The following OR4D10 variants were observed in gnomAD, a reference collection of about 807,000 sequenced individuals.
OR4D10 encodes the protein olfactory receptor 4D10.
For synonymous variants in OR4D10, 188 were observed against 153.2 expected, an observed-to-expected ratio of 1.23 and a Z score of -1.68; for missense variants, 395 against 378.0, an observed-to-expected ratio of 1.04 and a Z score of -0.37.
intron 2 of OR4D10, among the ~76,000 whole-genome samples, chr11:59,475,060 C>CAAA (rs771979917): frequency 1.8e-4 from 12 of 66,782 alleles, no homozygotes; most frequent in Non-Finnish European, 2.4e-4. Context: ...GACTCTGTCT[C>CAAA]AAAAAAAAAA....
At chr11:59,474,876 G>A (rs1016013455) in intron 2 of OR4D10, among the ~76,000 whole-genome samples, 3 of 140,850 alleles carry the variant, frequency 2.1e-5, no homozygotes, top group Non-Finnish European at 3.1e-5. Flanking sequence ...CTAACACAGT[G>A]AAACCCCGTC....
chr11:59,477,646 T>A lies in OR4D10; in HGVS notation c.217T>A (p.Phe73Ile). ...TAATTTATCTATTGCCGATATCTGCTTCTCTTCCATCACAGTGCCCAAGGT... is the reference window on the plus strand; with the variant it reads ...TAATTTATCTATTGCCGATATCTGCATCTCTTCCATCACAGTGCCCAAGGT... ...LHNLSIADIC[F>I]SSITVPKVLV... The change falls in exon 3 of 3, where the codon TTC (phenylalanine) becomes ATC (isoleucine). Residue 73 changes from phenylalanine (F) to isoleucine (I), a missense_variant. Physicochemically the swap from Phe to Ile is conservative, Grantham distance 21. Transcript: ENST00000530162. 2 of 1,614,180 alleles carry A rather than the reference T, an allele frequency of 1.2e-6. No individual in the cohort carries two copies. Among genetic ancestry groups the A allele is most frequent in the Non-Finnish European group, 1.7e-6 (2 of 1,180,014 alleles).
chr11:59,477,503 T>C lies in OR4D10; in HGVS notation c.74T>C (p.Leu25Ser). 4.3e-6 allele frequency: 7 copies of C among 1,613,496 alleles called. No homozygotes were observed. Among genetic ancestry groups the C allele is most frequent in the Non-Finnish European group, 5.9e-6 (7 of 1,179,738 alleles). The change falls in exon 3 of 3, where the codon TTA (leucine) becomes TCA (serine). Residue 25 changes from leucine to serine, a missense_variant. Physicochemically the swap from Leu to Ser is moderately radical, Grantham distance 145. Coordinates refer to ENST00000530162, the MANE Select transcript of OR4D10 (RefSeq NM_001004705.2). ...LGLTQNREVSLVLFLFLLLVY... is the reference protein window; with the variant it reads ...LGLTQNREVSSVLFLFLLLVY... ...CTGACCCAGAATCGGGAAGTGAGCTTAGTCTTATTTCTTTTCCTACTCTTG... is the reference window on the plus strand; with the variant it reads ...CTGACCCAGAATCGGGAAGTGAGCTCAGTCTTATTTCTTTTCCTACTCTTG...
chr11:59,477,784 G>T lies in OR4D10; in HGVS notation c.355G>T (p.Ala119Ser), dbSNP rs1426080408. ...GVDVFSLSVM[A>S]LDRYVAISKP... The stretch of plus-strand genomic sequence containing the variant: ...GGATGTATTTTCTCTTTCGGTGATG[G>T]CATTGGATCGATATGTGGCCATCTC... The change falls in exon 3 of 3, where the codon GCA (alanine) becomes TCA (serine). Residue 119 changes from alanine to serine, a missense_variant. Physicochemically the swap from Ala to Ser is moderately conservative, Grantham distance 99 (BLOSUM62 1). Coordinates refer to ENST00000530162, the MANE Select transcript of OR4D10 (RefSeq NM_001004705.2). 1 of 1,614,022 alleles carries T rather than the reference G, an allele frequency of 6.2e-7. No individual in the cohort carries two copies. Among genetic ancestry groups the T allele is most frequent in the Non-Finnish European group, 8.5e-7 (1 of 1,180,010 alleles).
intron 2 of OR4D10, among the ~76,000 whole-genome samples, chr11:59,475,844 A>G (rs967905937): frequency 3.3e-5 from 5 of 152,190 alleles, no homozygotes; most frequent in Admixed American, 6.5e-5. Flanking sequence ...ATTGGGCTGA[A>G]CCTATGCTGA....
At chr11:59,476,099 G>A (rs909036174) in intron 2 of OR4D10, among the ~76,000 whole-genome samples, 2 of 152,132 alleles carry the variant, frequency 1.3e-5, no homozygotes, top group Admixed American at 1.3e-4. Context: ...TCTGAAGATC[G>A]TTTCTTTATC....
In OR4D10 at chr11:59,478,143, C is replaced by T. The variant is rs766677789; in HGVS notation, c.714C>T (p.Ser238=). ...GAGAGGGCAGGAGGAAAGCCATCTC[C>T]ACCTGCACCTCCCACATCACTGTGG... is the stretch of plus-strand genomic sequence containing the variant. ...QAGEGRRKAI[S]TCTSHITVVT... is the part of the protein sequence containing the mutation. Residue 238 remains serine, a synonymous_variant, in exon 3 of 3, where the codon TCC becomes TCT. Coordinates refer to ENST00000530162, the MANE Select transcript of OR4D10 (RefSeq NM_001004705.2). 6.8e-5 allele frequency: 109 copies of T among 1,614,030 alleles called. No homozygotes were observed. Among genetic ancestry groups the T allele is most frequent in the Non-Finnish European group, 8.3e-5 (98 of 1,180,030 alleles).
Position 59,478,086 on chromosome 11 carries a change from A to T in OR4D10, c.657A>T (p.Ile219=). The T allele has an allele frequency of 6.2e-7, 1 of 1,614,096 alleles. No homozygotes were observed. Among genetic ancestry groups the T allele is most frequent in the Non-Finnish European group, 8.5e-7 (1 of 1,180,012 alleles). The part of the protein sequence containing the change: ...LWFFLLLVSY[I]VILSLPKSQA... ...TTTTCCTGCTCCTGGTGTCCTACAT[A>T]GTCATATTATCATTACCCAAGTCTC... The change falls in exon 3 of 3, where the codon ATA becomes ATT. Residue 219 remains isoleucine (I), a synonymous_variant. Transcript: ENST00000530162.
At position 59,478,566 on chromosome 11, in the gene OR4D10, C is replaced by G. The variant is rs1327048054; in HGVS notation, c.*201C>G. On this transcript the variant is annotated 3_prime_UTR_variant, in exon 3 of 3. Transcript: ENST00000530162. ...CCTTCTAATTGAAAATAAACCAGAG[C>G]TCCCTCCTCTTTACCACCAAGATTT... 1.7e-5 allele frequency: 7 copies of G among 409,920 alleles called. No homozygotes were observed. The highest frequency in any genetic ancestry group is 3.0e-5 in the Non-Finnish European group (7 of 234,680). 25.4% of individuals were successfully genotyped at this position (409,920 alleles called of 1,614,324 possible).
Position 59,478,031 on chromosome 11 carries a change from C to G in OR4D10, c.602C>G (p.Ser201Cys), listed in dbSNP as rs1319919668. The change falls in exon 3 of 3, where the codon TCC becomes TGC. Residue 201 changes from serine to cysteine, a missense_variant. Physicochemically the swap from Ser to Cys is moderately radical, Grantham distance 112 (BLOSUM62 -1). Coordinates refer to ENST00000530162, the MANE Select transcript of OR4D10 (RefSeq NM_001004705.2). ...DIFILELLMISNNGLLTTLWF... is the reference protein window; with the variant it reads ...DIFILELLMICNNGLLTTLWF... ...TTCATACTTGAACTACTAATGATTT[C>G]CAACAATGGACTGCTCACCACACTG... 1 of 1,614,022 alleles carries G rather than the reference C, an allele frequency of 6.2e-7. No homozygotes were observed. The highest frequency in any genetic ancestry group is 8.5e-7 in the Non-Finnish European group (1 of 1,180,030).
At position 59,478,103 on chromosome 11, in the gene OR4D10, C is replaced by T. The variant is rs1858929978; in HGVS notation, c.674C>T (p.Pro225Leu). ...LVSYIVILSLPKSQAGEGRRK... is the reference protein window; with the variant it reads ...LVSYIVILSLLKSQAGEGRRK... Reference sequence around the variant, plus strand: ...TCCTACATAGTCATATTATCATTACCCAAGTCTCAGGCAGGAGAGGGCAGG... The same window carrying T: ...TCCTACATAGTCATATTATCATTACTCAAGTCTCAGGCAGGAGAGGGCAGG... Residue 225 changes from proline (P) to leucine (L), a missense_variant, in exon 3 of 3, where the codon CCC (proline) becomes CTC (leucine). Coordinates refer to ENST00000530162, the MANE Select transcript of OR4D10 (RefSeq NM_001004705.2). 1.2e-6 allele frequency: 2 copies of T among 1,614,094 alleles called. No homozygotes were observed. The highest frequency in any genetic ancestry group is 1.3e-5 in the African/African-American group (1 of 75,012).
chr11:59,474,789 G>C (rs947925178), intron 2 of OR4D10, among the ~76,000 whole-genome samples: 3 of 152,086 alleles, frequency 2.0e-5, no homozygotes, highest in Non-Finnish European at 2.9e-5. Flanking sequence ...GGGCGCAGAG[G>C]CTCAGGCCTG....
intron 2 of OR4D10, among the ~76,000 whole-genome samples, chr11:59,476,756 G>A (rs993114860): frequency 2.6e-5 from 4 of 151,952 alleles, no homozygotes; most frequent in African/African-American, 7.3e-5. Flanking sequence ...AATAAGGACC[G>A]ATGGAACCAA....
In OR4D10 at chr11:59,477,743, A is replaced by T; in HGVS notation, c.314A>T (p.His105Leu). Reference sequence around the variant, plus strand: ...TGCTTCACTCAGATGTTTCTATTCCACCTTATTGGAGGGGTGGATGTATTT... The same window carrying T: ...TGCTTCACTCAGATGTTTCTATTCCTCCTTATTGGAGGGGTGGATGTATTT... ...NHCFTQMFLF[H>L]LIGGVDVFSL... The change falls in exon 3 of 3, where the codon CAC (histidine) becomes CTC (leucine). Residue 105 changes from histidine (H) to leucine (L), a missense_variant. Coordinates refer to ENST00000530162, the MANE Select transcript of OR4D10 (RefSeq NM_001004705.2). 6.2e-7 allele frequency: 1 copy of T among 1,613,868 alleles called. No homozygotes were observed. The highest frequency in any genetic ancestry group is 8.5e-7 in the Non-Finnish European group (1 of 1,179,980).
intron 2 of OR4D10, among the ~76,000 whole-genome samples, chr11:59,475,728 A>G (rs185075186): frequency 2.8e-4 from 43 of 152,290 alleles, no homozygotes; most frequent in Non-Finnish European, 4.6e-4. Flanking sequence ...TAATAAATAG[A>G]GGGTCAGGAA....
intron 2 of OR4D10, among the ~76,000 whole-genome samples, chr11:59,476,504 C>G (rs1008156814): frequency 6.6e-6 from 1 of 152,158 alleles, no homozygotes; most frequent in Non-Finnish European, 1.5e-5. Context: ...CTTCAGCTTC[C>G]TAAGTAGCTG....
Position 59,477,693 on chromosome 11 carries a change from A to G in OR4D10, c.264A>G (p.Glu88=), listed in dbSNP as rs374729334. The part of the protein sequence containing the change: ...VPKVLVDLLS[E]RKTISFNHCF... Reference sequence around the variant, plus strand: ...AGGTTCTGGTGGACCTTCTGTCTGAAAGAAAGACCATCTCCTTCAATCATT... The same window carrying G: ...AGGTTCTGGTGGACCTTCTGTCTGAGAGAAAGACCATCTCCTTCAATCATT... The change falls in exon 3 of 3, where the codon GAA becomes GAG. Residue 88 remains glutamate (E), a synonymous_variant. Transcript: ENST00000530162. The G allele has an allele frequency of 8.1e-6, 13 of 1,614,152 alleles. No individual in the cohort carries two copies. The highest frequency in any genetic ancestry group is 2.7e-5 in the African/African-American group (2 of 75,022).
chr11:59,477,644 G>A lies in OR4D10; in HGVS notation c.215G>A (p.Cys72Tyr), dbSNP rs1858922576. ...LLHNLSIADI[C>Y]FSSITVPKVL... Reference sequence around the variant, plus strand: ...CATAATTTATCTATTGCCGATATCTGCTTCTCTTCCATCACAGTGCCCAAG... The same window carrying A: ...CATAATTTATCTATTGCCGATATCTACTTCTCTTCCATCACAGTGCCCAAG... Residue 72 changes from cysteine (C) to tyrosine (Y), a missense_variant, in exon 3 of 3, where the codon TGC (cysteine) becomes TAC (tyrosine). Cys to Tyr is a radical substitution (Grantham distance 194). Coordinates refer to ENST00000530162, the MANE Select transcript of OR4D10 (RefSeq NM_001004705.2). The A allele has an allele frequency of 6.2e-7, 1 of 1,614,112 alleles. No homozygotes were observed. Among genetic ancestry groups the A allele is most frequent in the African/African-American group, 1.3e-5 (1 of 75,024 alleles).
chr11:59,477,029 C>G (rs2134559544), intron 2 of OR4D10, among the ~76,000 whole-genome samples: 1 of 151,742 alleles, frequency 6.6e-6, no homozygotes, highest in South Asian at 2.1e-4. Flanking sequence ...CTTTTGACCT[C>G]CAAAGCAGTA....
Sources: allele counts gnomAD v4.1 joint callset (sites outside exome capture counted in the v4.1 genomes callset), GRCh38; gene constraint gnomAD v4.1.1; transcripts MANE v1.5; gene names NCBI Gene and HGNC (gene_info 2026-07-23, HGNC 2026-07-21).